ADCY2: variants seen among roughly 807,000 people sequenced by gnomAD.
ADCY2 encodes the protein adenylate cyclase type 2.
Under a neutral mutation model 125.2 loss-of-function variants are expected in ADCY2, and 31 were observed. The observed-to-expected ratio is 0.25, with a 90% confidence interval of 0.19 to 0.33. ADCY2 has a LOEUF of 0.33. ADCY2 is among the 10% of genes least tolerant of loss of function. The probability of loss-of-function intolerance (pLI) is 1.00; values close to 1 mark genes in which losing one functional copy is unlikely to be tolerated. For missense variants in ADCY2, 904 were observed against 1,418.2 expected, an observed-to-expected ratio of 0.64 and a Z score of 5.82; for synonymous variants, 512 against 548.4, an observed-to-expected ratio of 0.93 and a Z score of 0.93.
chr5:7,418,841 A>G (rs1740071655), intron 2 of ADCY2, among the ~76,000 whole-genome samples: 1 of 151,824 alleles, frequency 6.6e-6, no homozygotes, highest in Non-Finnish European at 1.5e-5. Context: ...TTTTTAATAG[A>G]GACGGGTTTC....
At chr5:7,436,479 C>T (rs1340832471) in intron 2 of ADCY2, among the ~76,000 whole-genome samples, 1 of 152,054 alleles carries the variant, frequency 6.6e-6, no homozygotes, top group Non-Finnish European at 1.5e-5. Flanking sequence ...TGTTTTTGTC[C>T]CACTCAACAA....
chr5:7,763,720 G>A (rs1255598780), intron 16 of ADCY2, among the ~76,000 whole-genome samples: 1 of 152,134 alleles, frequency 6.6e-6, no homozygotes, highest in East Asian at 1.9e-4. Flanking sequence ...CGTGCCCTCG[G>A]GTGTTCCTTT....
chr5:7,804,982 G>T (rs1744711900), intron 22 of ADCY2, among the ~76,000 whole-genome samples: 1 of 152,090 alleles, frequency 6.6e-6, no homozygotes, highest in African/African-American at 2.4e-5. Context: ...TTATTTGAAG[G>T]AGACTCAGTA....
At chr5:7,664,159 G>A (rs188729447) in intron 4 of ADCY2, among the ~76,000 whole-genome samples, 49 of 152,232 alleles carry the variant, frequency 3.2e-4, no homozygotes, top group Admixed American at 3.0e-3. Context: ...CATTTCAAAA[G>A]AATTTGTTTG....
chr5:7,578,422 C>T (rs746158973), intron 3 of ADCY2, among the ~76,000 whole-genome samples: 27 of 152,284 alleles, frequency 1.8e-4, no homozygotes, highest in Non-Finnish European at 3.2e-4. Flanking sequence ...TCTTTATTCT[C>T]ACTGTTTCCA....
intron 22 of ADCY2, among the ~76,000 whole-genome samples, chr5:7,808,239 G>A (rs1470946778): frequency 2.6e-5 from 4 of 152,180 alleles, no homozygotes; most frequent in Admixed American, 2.6e-4. Context: ...TCCTGGAAGT[G>A]TGTGTATGTT....
At chr5:7,671,111 G>A (rs1393651962) in intron 4 of ADCY2, among the ~76,000 whole-genome samples, 2 of 152,166 alleles carry the variant, frequency 1.3e-5, no homozygotes, top group African/African-American at 4.8e-5. Flanking sequence ...GACCACTTCA[G>A]TTCTTCAGCT....
intron 2 of ADCY2, among the ~76,000 whole-genome samples, chr5:7,418,080 A>G (rs180701302): frequency 2.3e-4 from 35 of 152,274 alleles, no homozygotes; most frequent in Non-Finnish European, 4.0e-4. Context: ...TGCTTGTATC[A>G]TAGTCATTTT....
chr5:7,576,891 C>G (rs868801337), intron 3 of ADCY2, among the ~76,000 whole-genome samples: 6 of 152,138 alleles, frequency 3.9e-5, no homozygotes, highest in Non-Finnish European at 5.9e-5. Flanking sequence ...TTAAAATTGG[C>G]AGACTATTTT....
At chr5:7,512,218 C>CAAAAAAAAAAAAAA (rs57381383) in intron 2 of ADCY2, among the ~76,000 whole-genome samples, 1,399 of 57,722 alleles carry the variant, frequency 0.024, 209 homozygotes, top group African/African-American at 0.051. Context: ...ATGACTCCAT[C>CAAAAAAAAAAAAAA]AAAAAAAAAA....
chr5:7,485,280 T>C (rs899984523), intron 2 of ADCY2, among the ~76,000 whole-genome samples: 2 of 152,186 alleles, frequency 1.3e-5, no homozygotes, highest in Non-Finnish European at 2.9e-5. Context: ...TTGGAAAAAG[T>C]ATATGAAAGT....
chr5:7,482,671 C>A lies in ADCY2; in HGVS notation c.409-38067C>A, dbSNP rs981910341. On this transcript the variant is annotated intron_variant, in intron 2 of 24. Coordinates refer to ENST00000338316, the MANE Select transcript of ADCY2 (RefSeq NM_020546.3). ...AAGAAATCCTTATATCAAAGAGATA[C>A]CTGCACCTTGATGTTTATTGTAGCA... is the stretch of plus-strand genomic sequence containing the variant. Among the ~76,000 whole-genome samples the A allele has an allele frequency of 4.0e-5, 6 of 151,316 alleles. No homozygotes were observed. In the South Asian group the frequency reaches 1.3e-3, roughly 32 times the overall value.
At chr5:7,744,738 A>G (rs1742543495) in intron 15 of ADCY2, among the ~76,000 whole-genome samples, 1 of 152,286 alleles carries the variant, frequency 6.6e-6, no homozygotes, top group Non-Finnish European at 1.5e-5. Context: ...GGGCATTCTC[A>G]AGAGAAGCTT....
At chr5:7,631,382 C>T (rs555874840) in intron 4 of ADCY2, among the ~76,000 whole-genome samples, 5 of 152,300 alleles carry the variant, frequency 3.3e-5, no homozygotes, top group East Asian at 3.9e-4. Flanking sequence ...GGACCTAAGT[C>T]GTTTTTCCCA....
chr5:7,703,403 A>G (rs1561176808), intron 7 of ADCY2, among the ~76,000 whole-genome samples: 2 of 152,172 alleles, frequency 1.3e-5, no homozygotes, highest in Non-Finnish European at 2.9e-5. Context: ...ATTTTTGTAT[A>G]AGGTGTAAGG....
chr5:7,659,791 G>A (rs953348174), intron 4 of ADCY2, among the ~76,000 whole-genome samples: 3 of 152,230 alleles, frequency 2.0e-5, no homozygotes, highest in Admixed American at 6.5e-5. Context: ...CTGTGGCCCA[G>A]CTACACACAA....
chr5:7,574,574 T>C (rs972295983), intron 3 of ADCY2, among the ~76,000 whole-genome samples: 1 of 152,204 alleles, frequency 6.6e-6, no homozygotes, highest in Admixed American at 6.5e-5. Context: ...CTTTACAATG[T>C]TTAAATTAAA....
intron 3 of ADCY2, among the ~76,000 whole-genome samples, chr5:7,595,753 G>T (rs886251892): frequency 6.6e-6 from 1 of 152,096 alleles, no homozygotes; most frequent in Non-Finnish European, 1.5e-5. Flanking sequence ...TACAGCCTGT[G>T]CACATCCTCT....
rs1274284646 is a variant in ADCY2 at position 7,829,158 on chromosome 5, T to C, written c.*2287T>C. 6.6e-6 allele frequency: 1 copy of C among 152,332 alleles called. No individual in the cohort carries two copies. Among genetic ancestry groups the C allele is most frequent in the African/African-American group, 2.4e-5 (1 of 41,454 alleles). The allele number at this position is 152,332 out of a possible 1,614,324, so 9.4% of individuals were successfully genotyped here. A position where few individuals can be genotyped will look rare whatever the true frequency, so the allele number is the denominator to read the frequency against. On this transcript the variant is annotated 3_prime_UTR_variant, in exon 25 of 25. Coordinates refer to ENST00000338316, the MANE Select transcript of ADCY2 (RefSeq NM_020546.3). ...GCATCCCCTGTGAACTTATCAAAAATGCAAATTCTCAGGCCCCAACCTGAA... is the reference window on the plus strand; with the variant it reads ...GCATCCCCTGTGAACTTATCAAAAACGCAAATTCTCAGGCCCCAACCTGAA...
Sources: allele counts gnomAD v4.1 joint callset (sites outside exome capture counted in the v4.1 genomes callset), GRCh38; gene constraint gnomAD v4.1.1; transcripts MANE v1.5; gene names NCBI Gene and HGNC (gene_info 2026-07-23, HGNC 2026-07-21).